The following ABCC5 variants were observed in gnomAD, a reference collection of about 807,000 sequenced individuals.
ABCC5 encodes the protein ATP binding cassette subfamily C member 5, also known as ATP-binding cassette sub-family C member 5.
A neutral mutation model predicts 160.9 loss-of-function variants in ABCC5; 61 were observed. That is an observed-to-expected ratio of 0.38 (90% CI 0.31 to 0.47). ABCC5 has a LOEUF of 0.47. ABCC5 is among the 20% of genes least tolerant of loss of function. The pLI, the probability that ABCC5 is intolerant of heterozygous loss-of-function variation, is 0.99. For synonymous variants in ABCC5, 666 were observed against 700.6 expected (o/e 0.95, Z 0.78); for missense variants, 1,308 against 1,813.3 (o/e 0.72, Z 5.06).
chr3:183,969,500 T>C (rs1256175193), intron 11 of ABCC5, among the ~76,000 whole-genome samples: 2 of 152,112 alleles, frequency 1.3e-5, no homozygotes, highest in African/African-American at 4.8e-5. Context: ...GAGACCAGCC[T>C]GGCCAACATG....
Position 183,951,846 on chromosome 3 carries a change from C to G in ABCC5, c.2814+11G>C, listed in dbSNP as rs1347097406. The G allele has an allele frequency of 6.2e-7, 1 of 1,611,886 alleles. No individual in the cohort carries two copies. The highest frequency in any genetic ancestry group is 8.5e-7 in the Non-Finnish European group (1 of 1,178,908). The stretch of plus-strand genomic sequence containing the variant: ...CAGGGAGGAGGGCAGAGACCACCCA[C>G]CAATGCATACCTTGACAAAGACAAC... On this transcript the variant is annotated intron_variant, in intron 19 of 29. Coordinates refer to ENST00000334444, the MANE Select transcript of ABCC5 (RefSeq NM_005688.4). This position sits in a 1 kb window ranked among gnomAD's most constrained non-coding sequence, Gnocchi z 4.7.
chr3:183,966,407 T>G (rs1012259962), intron 12 of ABCC5, among the ~76,000 whole-genome samples: 1 of 152,202 alleles, frequency 6.6e-6, no homozygotes, highest in African/African-American at 2.4e-5. Flanking sequence ...TCAACAGATG[T>G]AAACTACAGT....
Position 183,926,918 on chromosome 3 carries a change from G to A in ABCC5, c.4047+412C>T, listed in dbSNP as rs540448804. Among the ~76,000 whole-genome samples, 56 of 151,312 alleles carry A rather than the reference G, an allele frequency of 3.7e-4. 1 individual carries two copies. Among genetic ancestry groups the A allele is most frequent in the Admixed American group, 1.5e-3 (23 of 15,196 alleles). On this transcript the variant is annotated intron_variant, in intron 28 of 29. Transcript: ENST00000334444. ...AAATTAGCTGGGCATGGTGGCGCAC[G>A]CCTGTAATCCCAGCTACTCGGGAGG...
intron 7 of ABCC5, 79 bp from the exon 8 acceptor site, chr3:183,981,953 C>A: frequency 6.7e-7 from 1 of 1,483,228 alleles, no homozygotes; most frequent in South Asian, 1.4e-5. Context: ...AGGTCATTCT[C>A]AATAAAATGA....
At chr3:183,937,147 C>T (rs914802941) in intron 26 of ABCC5, among the ~76,000 whole-genome samples, 7 of 152,070 alleles carry the variant, frequency 4.6e-5, no homozygotes, top group South Asian at 2.1e-4. Flanking sequence ...GAGGCCGAGG[C>T]GGGTGGATCA....
In ABCC5 at chr3:183,952,142, CTCTT is replaced by C. The variant is rs1214106670; in HGVS notation, c.2668-143_2668-140del. Reference sequence around the variant, plus strand: ...GGGACCTGGTCATGGCTTTGTCCACCTCTTTTTTTTTTTTTTTTTTTTGAGACAG... The same window carrying C: ...GGGACCTGGTCATGGCTTTGTCCACCTTTTTTTTTTTTTTTTTTGAGACAG... On this transcript the variant is annotated intron_variant, in intron 18 of 29. Transcript: ENST00000334444. 5,788 of 585,894 alleles carry C rather than the reference CTCTT, an allele frequency of 9.9e-3. 34 individuals are homozygous for C. Among genetic ancestry groups the C allele is most frequent in the Non-Finnish European group, 0.012 (4,767 of 385,720 alleles). 36.3% of individuals were successfully genotyped at this position (585,894 alleles called of 1,614,324 possible). A position where few individuals can be genotyped will look rare whatever the true frequency, so the allele number is the denominator to read the frequency against.
intron 2 of ABCC5, chr3:184,001,265 G>C: frequency 1.9e-6 from 1 of 519,090 alleles, no homozygotes; most frequent in Non-Finnish European, 3.5e-6. Context: ...AAAATAAAAA[G>C]TAAAAGGTAA....
chr3:183,988,354 G>A lies in ABCC5; in HGVS notation c.443+218C>T, dbSNP rs1719411335. On this transcript the variant is annotated intron_variant, in intron 4 of 29. Coordinates refer to ENST00000334444, the MANE Select transcript of ABCC5 (RefSeq NM_005688.4). The surrounding 1 kb of genome is among the most constrained non-coding windows in gnomAD (Gnocchi z 4.4). ...TCTCCCTGCAGACTCAGGAAGAGAA[G>A]CGGGGCTGAGAGAGAGAGAGAAAGC... Among the ~76,000 whole-genome samples the A allele has an allele frequency of 6.6e-6, 1 of 152,248 alleles. No individual in the cohort carries two copies. Among genetic ancestry groups the A allele is most frequent in the Non-Finnish European group, 1.5e-5 (1 of 68,044 alleles).
chr3:183,950,135 C>T lies in ABCC5; in HGVS notation c.2945-10G>A. On this transcript the variant is annotated splice_polypyrimidine_tract_variant and intron_variant, in intron 20 of 29. Transcript: ENST00000334444. The stretch of plus-strand genomic sequence containing the variant: ...GGCAGCCGCACGTCAACTGTGGAAA[C>T]AAATAAAGGAGCAAGTGTCAGATGG... 1 of 1,604,212 alleles carries T rather than the reference C, an allele frequency of 6.2e-7. No individual in the cohort carries two copies. The highest frequency in any genetic ancestry group is 8.5e-7 in the Non-Finnish European group (1 of 1,176,532).
At chr3:183,932,748 G>C (rs193025574) in intron 26 of ABCC5, among the ~76,000 whole-genome samples, 2 of 152,296 alleles carry the variant, frequency 1.3e-5, no homozygotes, top group Non-Finnish European at 2.9e-5. Context: ...AGAATCTCTT[G>C]AGCTCAGGAG....
chr3:183,935,924 C>T (rs1713667335), intron 26 of ABCC5, among the ~76,000 whole-genome samples: 1 of 152,142 alleles, frequency 6.6e-6, no homozygotes, highest in Non-Finnish European at 1.5e-5. Flanking sequence ...ACAGAAACAC[C>T]AAAATAAACA....
chr3:183,921,402 C>T lies in ABCC5; in HGVS notation c.4213-1G>A. The T allele has an allele frequency of 6.2e-7, 1 of 1,612,104 alleles. No individual in the cohort carries two copies. The highest frequency in any genetic ancestry group is 8.5e-7 in the Non-Finnish European group (1 of 1,179,194). ...CCGATGGGGTGTCAAACTCCACCAC[C>T]TGCAAAAGAAGGAGACGCCGTCAGG... On this transcript the variant is annotated splice_acceptor_variant, in intron 29 of 29. Coordinates refer to ENST00000334444, the MANE Select transcript of ABCC5 (RefSeq NM_005688.4). LOFTEE classifies it high-confidence loss of function. This position sits in a 1 kb window ranked among gnomAD's most constrained non-coding sequence, Gnocchi z 4.1.
At chr3:183,955,199 C>G (rs1178619959) in intron 17 of ABCC5, among the ~76,000 whole-genome samples, 1 of 152,162 alleles carries the variant, frequency 6.6e-6, no homozygotes, top group African/African-American at 2.4e-5. Flanking sequence ...TGCAGAACTT[C>G]CCCTTCAACA....
intron 24 of ABCC5, among the ~76,000 whole-genome samples, chr3:183,944,092 T>C (rs765237046): frequency 6.6e-6 from 1 of 152,190 alleles, no homozygotes; most frequent in Admixed American, 6.5e-5. Context: ...CAGTTCCCAA[T>C]TGAAAGAGTA....
At chr3:183,975,840 C>T (rs1380834426) in intron 10 of ABCC5, among the ~76,000 whole-genome samples, 1 of 152,036 alleles carries the variant, frequency 6.6e-6, no homozygotes, top group Non-Finnish European at 1.5e-5. Flanking sequence ...GATGTGAAAG[C>T]CACCTGCTAA....
At chr3:183,995,910 C>T (rs1487273852) in intron 2 of ABCC5, among the ~76,000 whole-genome samples, 2 of 152,048 alleles carry the variant, frequency 1.3e-5, no homozygotes, top group Admixed American at 1.3e-4. Flanking sequence ...CGGGTTCACT[C>T]CATTCTCCTG....
chr3:183,959,906 T>C (rs1000793768), intron 16 of ABCC5, 71 bp from the exon 17 acceptor site: 13 of 1,093,126 alleles, frequency 1.2e-5, no homozygotes, highest in Admixed American at 4.6e-5. Context: ...GGATACATAT[T>C]AGGGAATCAT....
intron 1 of ABCC5, among the ~76,000 whole-genome samples, chr3:184,016,104 A>G (rs1237090254): frequency 6.6e-6 from 1 of 152,198 alleles, no homozygotes; most frequent in Non-Finnish European, 1.5e-5. Flanking sequence ...TCTTTCAACC[A>G]CTTTTATTTC....
intron 25 of ABCC5, among the ~76,000 whole-genome samples, chr3:183,939,310 G>C (rs896483279): frequency 1.2e-4 from 19 of 152,300 alleles, no homozygotes; most frequent in Middle Eastern, 3.4e-3. Context: ...GCGAGTGCCT[G>C]TAATCCCAGG....
Sources: allele counts gnomAD v4.1 joint callset (sites outside exome capture counted in the v4.1 genomes callset), GRCh38; gene constraint gnomAD v4.1.1; non-coding constraint Gnocchi (gnomAD v3.1); transcripts MANE v1.5; gene names NCBI Gene and HGNC (gene_info 2026-07-23, HGNC 2026-07-21).